QSOX2: variants seen among roughly 807,000 people sequenced by gnomAD.
QSOX2 encodes the protein sulfhydryl oxidase 2.
A neutral mutation model predicts 61.7 loss-of-function variants in QSOX2; 46 were observed. The observed-to-expected ratio is 0.75, with a 90% CI of 0.59 to 0.95. The LOEUF (loss-of-function observed/expected upper bound fraction) is 0.95. Among genes scored for constraint, QSOX2 ranks in the 40% least tolerant of loss-of-function variants. The pLI is 0.00. For synonymous variants in QSOX2, 383 were observed against 388.4 expected (o/e 0.99, Z 0.16); for missense variants, 879 against 918.9 (o/e 0.96, Z 0.56).
At position 136,227,170 on chromosome 9, in the gene QSOX2, T is replaced by C. The variant is rs557753093; in HGVS notation, c.329-296A>G. On this transcript the variant is annotated intron_variant, in intron 1 of 11. Transcript: ENST00000358701. Reference sequence around the variant, plus strand: ...GTGGGCCCCTAATTAAATGACACCCTGATGGATGAAAGCGCTGGTAACAGA... The same window carrying C: ...GTGGGCCCCTAATTAAATGACACCCCGATGGATGAAAGCGCTGGTAACAGA... Among the ~76,000 whole-genome samples the C allele has an allele frequency of 1.1e-3, 171 of 152,282 alleles. 1 individual carries two copies. Among genetic ancestry groups the C allele is most frequent in the African/African-American group, 3.9e-3 (162 of 41,538 alleles).
At chr9:136,213,908 CACAGAAGAACCGCCCAG>C (rs1372242588) in intron 10 of QSOX2, among the ~76,000 whole-genome samples, 1 of 152,212 alleles carries the variant, frequency 6.6e-6, no homozygotes, top group Non-Finnish European at 1.5e-5. Context: ...AGCAGCAACT[CACAGAAGAACCGCCCAG>C]CCGAGCCCAG....
At chr9:136,244,531 T>C (rs1830455442) in intron 1 of QSOX2, among the ~76,000 whole-genome samples, 1 of 152,186 alleles carries the variant, frequency 6.6e-6, no homozygotes, top group Non-Finnish European at 1.5e-5. Context: ...TTGTTACAGA[T>C]CTTGCCCACT....
chr9:136,226,765 G>A lies in QSOX2; in HGVS notation c.429+9C>T. 1.9e-6 allele frequency: 3 copies of A among 1,609,054 alleles called. No individual in the cohort carries two copies. The highest frequency in any genetic ancestry group is 1.1e-5 in the South Asian group (1 of 90,990). ...AATTTCAACGGACAAGCAGCCGCGTGATACTCACCCGGAAGGTGGGGTAGA... is the reference window on the plus strand; with the variant it reads ...AATTTCAACGGACAAGCAGCCGCGTAATACTCACCCGGAAGGTGGGGTAGA... On this transcript the variant is annotated intron_variant, in intron 2 of 11. Coordinates refer to ENST00000358701, the MANE Select transcript of QSOX2 (RefSeq NM_181701.4).
At chr9:136,211,206 C>T (rs747728232) in intron 11 of QSOX2, 58 bp downstream of exon 11, 1 of 1,571,920 alleles carries the variant, frequency 6.4e-7, no homozygotes, top group Non-Finnish European at 8.7e-7. Flanking sequence ...CCTTGCTGTC[C>T]CAGGACCAGG....
At position 136,211,238 on chromosome 9, in the gene QSOX2, G is replaced by GC. The variant is rs752143243; in HGVS notation, c.1549+25dup. On this transcript the variant is annotated intron_variant, in intron 11 of 11. Transcript: ENST00000358701. ...CAGGGCCTCCCTCCGCCCGTGCTGA[G>GC]CCCCCCATGCCCAGGGGCTTCTCAC... 22 of 1,610,014 alleles carry GC rather than the reference G, an allele frequency of 1.4e-5. No homozygotes were observed. The Admixed American group carries it at 3.2e-4, about 23-fold the overall frequency.
At chr9:136,235,570 C>T (rs1456884348) in intron 1 of QSOX2, among the ~76,000 whole-genome samples, 1 of 152,234 alleles carries the variant, frequency 6.6e-6, no homozygotes, top group African/African-American at 2.4e-5. Flanking sequence ...GTCTCAACAG[C>T]CACGGGCAGC....
At chr9:136,216,456 G>T in intron 9 of QSOX2, 144 bp downstream of exon 9, 2 of 1,112,570 alleles carry the variant, frequency 1.8e-6, no homozygotes, top group Non-Finnish European at 2.6e-6. Context: ...TGGCCATGAT[G>T]CTGTCGTGGA....
In QSOX2 at chr9:136,210,217, T is replaced by C. The variant is rs892860462; in HGVS notation, c.1550-942A>G. 13 of 985,352 alleles carry C rather than the reference T, an allele frequency of 1.3e-5. No individual in the cohort carries two copies. In the African/African-American group the frequency reaches 1.7e-4, roughly 13 times the overall value. 61.0% of individuals were successfully genotyped at this position (985,352 alleles called of 1,614,324 possible). ...GGACTGTCAAATAAGGCGCCAGCCC[T>C]GGGCAGAAGACCCCAGGCACATCTC... On this transcript the variant is annotated intron_variant, in intron 11 of 11. Transcript: ENST00000358701.
intron 1 of QSOX2, among the ~76,000 whole-genome samples, chr9:136,229,961 C>A (rs373301666): frequency 1.3e-5 from 2 of 152,350 alleles, no homozygotes; most frequent in East Asian, 1.9e-4. Flanking sequence ...AGTCTGGGCC[C>A]AGGCCAGGTG....
At chr9:136,226,733 G>C in intron 2 of QSOX2, 41 bp downstream of exon 2, 1 of 1,496,496 alleles carries the variant, frequency 6.7e-7, no homozygotes, top group Non-Finnish European at 9.3e-7. Flanking sequence ...AGGTGGGGTA[G>C]AAGGTGAATT....
intron 8 of QSOX2, among the ~76,000 whole-genome samples, chr9:136,217,343 G>A (rs1030061245): frequency 3.3e-5 from 5 of 152,184 alleles, no homozygotes; most frequent in African/African-American, 7.2e-5. Flanking sequence ...ATAGGCTGCC[G>A]AAAGAGCTCC....
At chr9:136,225,451 T>C (rs1027363446) in intron 2 of QSOX2, among the ~76,000 whole-genome samples, 16 of 152,198 alleles carry the variant, frequency 1.1e-4, no homozygotes, top group African/African-American at 3.6e-4. Flanking sequence ...GAGGGAAACG[T>C]GCAGATGACA....
At chr9:136,232,992 G>T (rs1830346228) in intron 1 of QSOX2, among the ~76,000 whole-genome samples, 1 of 151,534 alleles carries the variant, frequency 6.6e-6, no homozygotes. Context: ...TGCCTGAACA[G>T]GTATTTTTAT....
At chr9:136,226,899 A>G (rs767330557) in intron 1 of QSOX2, 25 bp from the exon 2 acceptor site, 3 of 1,604,166 alleles carry the variant, frequency 1.9e-6, no homozygotes, top group Non-Finnish European at 2.6e-6. Context: ...CATGACCTTC[A>G]GTGTGGTGAG....
At chr9:136,228,876 T>C (rs1313376929) in intron 1 of QSOX2, among the ~76,000 whole-genome samples, 1 of 152,128 alleles carries the variant, frequency 6.6e-6, no homozygotes, top group Non-Finnish European at 1.5e-5. Flanking sequence ...CCACTATAAA[T>C]CATGTAAAAA....
chr9:136,212,290 C>T (rs142125593), intron 10 of QSOX2, among the ~76,000 whole-genome samples: 16 of 152,316 alleles, frequency 1.1e-4, no homozygotes, highest in Admixed American at 2.6e-4. Flanking sequence ...GGAGCTTGAA[C>T]GCACAGATAG....
rs746508624 is a variant in QSOX2, at chr9:136,208,923, C to G, written c.1902G>C (p.Gln634His). 1.1e-4 allele frequency: 178 copies of G among 1,613,798 alleles called. No individual in the cohort carries two copies. Among genetic ancestry groups the G allele is most frequent in the Non-Finnish European group, 1.4e-4 (164 of 1,179,972 alleles). Residue 634 changes from glutamine (Q) to histidine (H), a missense_variant, in exon 12 of 12, where the codon CAG (glutamine) becomes CAC (histidine). By Grantham distance (24) the Gln-to-His change is conservative. Transcript: ENST00000358701. Reference sequence around the variant, plus strand: ...TGTGGGCCCCGGGCCCATCCAGACTCTGGAGTTTCCCGTCCAAGCTGTGAT... The same window carrying G: ...TGTGGGCCCCGGGCCCATCCAGACTGTGGAGTTTCCCGTCCAAGCTGTGAT... ...SLHHSLDGKL[Q>H]SLDGPGAHKE...
Position 136,223,668 on chromosome 9 carries a change from G to A in QSOX2, c.675+95C>T, listed in dbSNP as rs1370961841. ...AGCCACAGACAGGACACGAGATGCC[G>A]ACACAGTGACCGGCACCTGCAAATC... On this transcript the variant is annotated intron_variant, in intron 5 of 11. Transcript: ENST00000358701. This position sits in a 1 kb window ranked among gnomAD's most constrained non-coding sequence, Gnocchi z 4.4. 6 of 920,350 alleles carry A rather than the reference G, an allele frequency of 6.5e-6. No individual in the cohort carries two copies. The highest frequency in any genetic ancestry group is 2.5e-5 in the East Asian group (1 of 40,802). The allele number at this position is 920,350 out of a possible 1,614,324, so 57.0% of individuals were successfully genotyped here.
intron 10 of QSOX2, 133 bp downstream of exon 10, chr9:136,215,021 G>A: frequency 3.7e-6 from 4 of 1,084,030 alleles, no homozygotes; most frequent in East Asian, 5.4e-5. Flanking sequence ...GGAGTCTGAA[G>A]TGCCATTCCC....
Sources: gnomAD v4.1 joint callset for allele counts (sites outside exome capture counted in the v4.1 genomes callset) on GRCh38, gnomAD v4.1.1 for gene constraint, Gnocchi (gnomAD v3.1) non-coding constraint, MANE v1.5 for transcripts, NCBI Gene and HGNC (gene_info 2026-07-23, HGNC 2026-07-21) for gene names.